The following LEPROTL1 variants were observed in gnomAD, a reference collection of about 807,000 sequenced individuals.
LEPROTL1 encodes leptin receptor overlapping transcript like 1, also known as leptin receptor overlapping transcript-like 1.
LEPROTL1 carries 6 observed loss-of-function variants against 15.4 expected under a neutral mutation model. The observed-to-expected ratio is 0.39, with a 90% CI of 0.21 to 0.77. LEPROTL1 has a LOEUF of 0.77. LEPROTL1 is among the 30% of genes least tolerant of loss of function. The pLI is 0.41. For missense variants in LEPROTL1, 128 were observed against 158.1 expected (o/e 0.81, Z 1.02); for synonymous variants, 56 against 52.6 (o/e 1.06, Z -0.28).
chr8:30,114,817 A>G (rs1365259729), intron 3 of LEPROTL1, among the ~76,000 whole-genome samples: 1 of 152,116 alleles, frequency 6.6e-6, no homozygotes, highest in African/African-American at 2.4e-5. Flanking sequence ...TATCAGTAGC[A>G]TTGTCCGTCT....
At chr8:30,100,304 C>T (rs1802444714) in intron 1 of LEPROTL1, among the ~76,000 whole-genome samples, 7 of 152,156 alleles carry the variant, frequency 4.6e-5, no homozygotes, top group Admixed American at 4.6e-4. Flanking sequence ...GTTTTGGTAA[C>T]TTTTAGACCT....
intron 3 of LEPROTL1, among the ~76,000 whole-genome samples, chr8:30,114,315 G>A (rs1404008261): frequency 1.2e-5 from 1 of 84,368 alleles, no homozygotes; most frequent in Non-Finnish European, 3.0e-5. Flanking sequence ...TTTTGAGATG[G>A]AGTCTGGCTC....
chr8:30,095,611 C>T, intron 1 of LEPROTL1, 83 bp downstream of exon 1: 4 of 1,166,068 alleles, frequency 3.4e-6, no homozygotes, highest in South Asian at 2.4e-5. Context: ...CCCGCACTTC[C>T]CCTCCGGGCT....
chr8:30,095,665 C>A, intron 1 of LEPROTL1, 137 bp downstream of exon 1: 1 of 759,864 alleles, frequency 1.3e-6, no homozygotes, highest in Non-Finnish European at 1.9e-6. Context: ...GCGACCCCCG[C>A]CCCGGCCCTG....
chr8:30,113,446 C>T (rs947497065), downstream of LEPROTL1, among the ~76,000 whole-genome samples: 2 of 152,066 alleles, frequency 1.3e-5, no homozygotes, highest in Admixed American at 1.3e-4. Context: ...GAGAATACTA[C>T]CATAAAAGTT....
intron 1 of LEPROTL1, 104 bp downstream of exon 1, chr8:30,095,632 C>A (rs1009292069): frequency 6.2e-6 from 6 of 970,310 alleles, no homozygotes; most frequent in Non-Finnish European, 8.3e-6. Context: ...CGCGCGCGCG[C>A]GTGGGGTCCC....
In LEPROTL1 at chr8:30,103,306, T is replaced by C. The variant is rs112145338; in HGVS notation, c.93-994T>C. ...TCATATTTTAAAGTTTATGTGGAAATGTGGAAGGGTCCCTGAGAAGCTCAA... is the reference window on the plus strand; with the variant it reads ...TCATATTTTAAAGTTTATGTGGAAACGTGGAAGGGTCCCTGAGAAGCTCAA... On this transcript the variant is annotated intron_variant, in intron 2 of 3. Transcript: ENST00000321250. Among the ~76,000 whole-genome samples, 489 of 152,332 alleles carry C rather than the reference T, an allele frequency of 3.2e-3. 4 individuals are homozygous for C. The highest frequency in any genetic ancestry group is 0.011 in the African/African-American group (456 of 41,576).
downstream of LEPROTL1, among the ~76,000 whole-genome samples, chr8:30,110,785 G>A (rs922438574): frequency 6.6e-6 from 1 of 152,088 alleles, no homozygotes; most frequent in African/African-American, 2.4e-5. Flanking sequence ...GAGAAGCGTT[G>A]TGGCAGTTTA....
At chr8:30,121,438 G>A (rs1278861093) in intron 3 of LEPROTL1, among the ~76,000 whole-genome samples, 7 of 151,994 alleles carry the variant, frequency 4.6e-5, no homozygotes, top group Admixed American at 2.0e-4. Context: ...ATTTTCAGTC[G>A]AGATGGGTTT....
chr8:30,127,141 G>C (rs968033632), intron 3 of LEPROTL1, among the ~76,000 whole-genome samples: 1 of 152,136 alleles, frequency 6.6e-6, no homozygotes, highest in African/African-American at 2.4e-5. Flanking sequence ...AATAATGAAG[G>C]CTATAGTTTC....
chr8:30,133,984 C>T lies in LEPROTL1; in HGVS notation c.394+1495C>T, dbSNP rs148475947. Reference sequence around the variant, plus strand: ...ACCTTGCATAACAACCATTGCAACCCTATACAAAAAAATACTTTTGTGAGG... The same window carrying T: ...ACCTTGCATAACAACCATTGCAACCTTATACAAAAAAATACTTTTGTGAGG... On this transcript the variant is annotated intron_variant, in intron 4 of 4. Transcript: ENST00000442880. Among the ~76,000 whole-genome samples, 242 of 152,198 alleles carry T rather than the reference C, an allele frequency of 1.6e-3. 1 individual carries two copies. The highest frequency in any genetic ancestry group is 3.0e-3 in the Non-Finnish European group (204 of 68,004).
At chr8:30,124,256 T>C (rs1034584231) in intron 3 of LEPROTL1, among the ~76,000 whole-genome samples, 4 of 152,138 alleles carry the variant, frequency 2.6e-5, no homozygotes, top group African/African-American at 9.7e-5. Context: ...TCATTAGGAA[T>C]TGGGGAATGG....
chr8:30,130,478 A>G (rs185565727), intron 3 of LEPROTL1, among the ~76,000 whole-genome samples: 1 of 152,338 alleles, frequency 6.6e-6, no homozygotes, highest in Non-Finnish European at 1.5e-5. Flanking sequence ...TGACATTGCT[A>G]CTGCATAATT....
At chr8:30,124,767 TAGGG>T (rs924185980) in intron 3 of LEPROTL1, among the ~76,000 whole-genome samples, 1 of 152,092 alleles carries the variant, frequency 6.6e-6, no homozygotes, top group Non-Finnish European at 1.5e-5. Flanking sequence ...ATTTAAGAAA[TAGGG>T]AGGAAATTAC....
intron 3 of LEPROTL1, among the ~76,000 whole-genome samples, chr8:30,121,462 C>T (rs952224968): frequency 1.3e-4 from 20 of 152,236 alleles, no homozygotes; most frequent in African/African-American, 4.6e-4. Flanking sequence ...CCATGTTGGC[C>T]AGGCTGGTCT....
chr8:30,111,580 A>G (rs1802653071), downstream of LEPROTL1, among the ~76,000 whole-genome samples: 1 of 152,226 alleles, frequency 6.6e-6, no homozygotes, highest in Non-Finnish European at 1.5e-5. Context: ...TGGCAGTTAC[A>G]TGCCGCATTC....
chr8:30,120,898 G>A (rs962100172), intron 3 of LEPROTL1, among the ~76,000 whole-genome samples: 3 of 152,136 alleles, frequency 2.0e-5, no homozygotes, highest in South Asian at 2.1e-4. Context: ...GTACACTTCA[G>A]TATTGTTATA....
chr8:30,137,979 T>C, downstream of LEPROTL1: 1 of 184,618 alleles, frequency 5.4e-6, no homozygotes, highest in Admixed American at 5.3e-5. Context: ...CAGCTGGTAC[T>C]ACCCAGACCG....
Position 30,117,518 on chromosome 8 carries a change from C to G in LEPROTL1, c.279+13032C>G, listed in dbSNP as rs1585472590. 6 of 1,372,736 alleles carry G rather than the reference C, an allele frequency of 4.4e-6. No homozygotes were observed. In the African/African-American group the frequency reaches 8.5e-5, roughly 20 times the overall value. The allele number at this position is 1,372,736 out of a possible 1,614,324, so 85.0% of individuals were successfully genotyped here. ...GGAAACAGATTTTCTGCCATTTTTC[C>G]AGATCTTTGAGTTGCACATCAAATC... On this transcript the variant is annotated intron_variant, in intron 3 of 4. Transcript: ENST00000442880.
Sources: allele counts gnomAD v4.1 joint callset (sites outside exome capture counted in the v4.1 genomes callset), GRCh38; gene constraint gnomAD v4.1.1; transcripts MANE v1.5; gene names NCBI Gene and HGNC (gene_info 2026-07-23, HGNC 2026-07-21).